The following CAMK2B variants were observed in gnomAD, a reference collection of about 807,000 sequenced individuals.
CAMK2B encodes calcium/calmodulin-dependent protein kinase type II subunit beta.
A neutral mutation model predicts 93.7 loss-of-function variants in CAMK2B; 27 were observed. The observed-to-expected ratio is 0.29, with a 90% CI of 0.21 to 0.40. The LOEUF is 0.40. Ranked by LOEUF, CAMK2B falls within the 10% of genes least tolerant of loss-of-function variation. The pLI is 1.00. For synonymous variants in CAMK2B, 374 were observed against 358.8 expected, an observed-to-expected ratio of 1.04 and a Z score of -0.48; for missense variants, 568 against 895.8, an observed-to-expected ratio of 0.63 and a Z score of 4.67.
chr7:44,325,299 C>T (rs1797253297), intron 1 of CAMK2B, 58 bp downstream of exon 1: 82 of 1,030,972 alleles, frequency 8.0e-5, no homozygotes, highest in Non-Finnish European at 9.7e-5. Flanking sequence ...GCGGAGGGTC[C>T]CGGAGGTCCC....
intron 1 of CAMK2B, among the ~76,000 whole-genome samples, chr7:44,304,482 T>C (rs953092838): frequency 6.6e-6 from 1 of 152,068 alleles, no homozygotes; most frequent in Non-Finnish European, 1.5e-5. Context: ...AAGTGGCCAC[T>C]GCTGAATAAA....
chr7:44,242,089 A>G, intron 10 of CAMK2B, 129 bp downstream of exon 10: 1 of 1,102,484 alleles, frequency 9.1e-7, no homozygotes, highest in Non-Finnish European at 1.3e-6. Context: ...CACAAGGAGC[A>G]CCCAGGGGAC....
chr7:44,234,782 C>T, intron 13 of CAMK2B, 106 bp from the exon 14 acceptor site: 1 of 1,263,156 alleles, frequency 7.9e-7, no homozygotes, highest in South Asian at 1.3e-5. Context: ...GGAGCAAGCC[C>T]AGGGTCCTGA....
chr7:44,272,098 G>A (rs947229192), intron 2 of CAMK2B, among the ~76,000 whole-genome samples: 2 of 152,110 alleles, frequency 1.3e-5, no homozygotes, highest in African/African-American at 4.8e-5. Context: ...TTTTCTTTCC[G>A]GCGGGACTTC....
rs1370030575 is a variant in CAMK2B at position 44,312,675 on chromosome 7, CAG to C, written c.65+12680_65+12681del. ...AGTGAGAAAAAGAGAGGGAGAGAAA[CAG>C]AGAGACAGAGGAGACAGAGAAAGAG... is the stretch of plus-strand genomic sequence containing the variant. On this transcript the variant is annotated intron_variant, in intron 1 of 23. Transcript: ENST00000395749. The surrounding 1 kb of genome is among the most constrained non-coding windows in gnomAD (Gnocchi z 4.1). Among the ~76,000 whole-genome samples, 2 of 152,110 alleles carry C rather than the reference CAG, an allele frequency of 1.3e-5. No homozygotes were observed. Among genetic ancestry groups the C allele is most frequent in the Admixed American group, 6.5e-5 (1 of 15,272 alleles).
intron 2 of CAMK2B, among the ~76,000 whole-genome samples, chr7:44,264,465 C>A (rs141294191): frequency 1.3e-5 from 2 of 152,192 alleles, no homozygotes; most frequent in African/African-American, 2.4e-5. Flanking sequence ...TGGCTCCCCC[C>A]TCCCAGGACA....
rs2096467747 is a variant in CAMK2B at position 44,225,752 on chromosome 7, C to T, written c.1597+764G>A. 19 of 1,289,454 alleles carry T rather than the reference C, an allele frequency of 1.5e-5. No homozygotes were observed. The highest frequency in any genetic ancestry group is 1.9e-5 in the Non-Finnish European group (19 of 988,788). The allele number at this position is 1,289,454 out of a possible 1,614,324, so 79.9% of individuals were successfully genotyped here. ...TGGCAAGCAGACCCCACCTGTCCCT[C>T]AAGTACTTACCTAGCCACTGCCCTG... On this transcript the variant is annotated intron_variant, in intron 20 of 23. Coordinates refer to ENST00000395749, the MANE Select transcript of CAMK2B (RefSeq NM_001220.5). The surrounding 1 kb of genome is among the most constrained non-coding windows in gnomAD (Gnocchi z 5.0).
intron 3 of CAMK2B, among the ~76,000 whole-genome samples, chr7:44,262,185 C>T (rs61585890): frequency 0.011 from 1,637 of 152,328 alleles, 24 homozygotes; most frequent in African/African-American, 0.037. Context: ...AACAGGCTCC[C>T]GGTCCCCAGC....
chr7:44,262,062 T>C (rs768040764), intron 3 of CAMK2B, among the ~76,000 whole-genome samples: 2 of 152,188 alleles, frequency 1.3e-5, no homozygotes, highest in South Asian at 2.1e-4. Context: ...GCCCAGCTCA[T>C]TGGTGAAGCA....
intron 7 of CAMK2B, 42 bp from the exon 8 acceptor site, chr7:44,243,375 C>A: frequency 6.2e-7 from 1 of 1,611,438 alleles, no homozygotes. Context: ...GTCAGCATCA[C>A]CTCCTGCCCT....
Position 44,220,271 on chromosome 7 carries a change from T to A in CAMK2B, c.1792A>T (p.Ile598Phe). The change falls in exon 23 of 24, where the codon ATC (isoleucine) becomes TTC (phenylalanine). Residue 598 changes from isoleucine (I) to phenylalanine (F), a missense_variant. By Grantham distance (21) the Ile-to-Phe change is conservative. Around this residue, in one of 4 missense-constraint regions of CAMK2B, gnomAD observed 116 missense variants for 188.0 expected, o/e 0.62. Transcript: ENST00000395749. The stretch of plus-strand genomic sequence containing the variant: ...TGTGGGTTCAGGATGGTCGTGTGGA[T>A]CGGCTTGCTGTTCTTGGCCAGCACT... The part of the protein sequence containing the change: ...ENLLAKNSKP[I>F]HTTILNPHVH... 2 of 1,613,008 alleles carry A rather than the reference T, an allele frequency of 1.2e-6. No individual in the cohort carries two copies. Among genetic ancestry groups the A allele is most frequent in the Non-Finnish European group, 1.7e-6 (2 of 1,179,880 alleles).
intron 12 of CAMK2B, among the ~76,000 whole-genome samples, chr7:44,240,259 A>T (rs1254865763): frequency 6.6e-6 from 1 of 152,190 alleles, no homozygotes; most frequent in Admixed American, 6.5e-5. Flanking sequence ...CAGCCGGGAC[A>T]GGAGGCTGCA....
intron 19 of CAMK2B, 98 bp from the exon 20 acceptor site, chr7:44,226,742 C>A: frequency 1.3e-6 from 1 of 791,864 alleles, no homozygotes; most frequent in Non-Finnish European, 1.7e-6. Flanking sequence ...TTGAGGGGCA[C>A]AGAGGCAGAT....
chr7:44,296,832 C>A (rs1788449956), intron 1 of CAMK2B, among the ~76,000 whole-genome samples: 1 of 151,748 alleles, frequency 6.6e-6, no homozygotes, highest in South Asian at 2.1e-4. Context: ...AATTATCCAT[C>A]AAAAATAAGA....
intron 6 of CAMK2B, among the ~76,000 whole-genome samples, chr7:44,246,687 C>T (rs893894064): frequency 6.6e-6 from 1 of 152,116 alleles, no homozygotes; most frequent in Non-Finnish European, 1.5e-5. Context: ...ACATGCACAT[C>T]CCTGCACAGG....
chr7:44,225,762 C>G lies in CAMK2B; in HGVS notation c.1597+754G>C, dbSNP rs2096467896. 7.8e-7 allele frequency: 1 copy of G among 1,289,500 alleles called. No individual in the cohort carries two copies. Among genetic ancestry groups the G allele is most frequent in the African/African-American group, 1.5e-5 (1 of 65,972 alleles). The allele number at this position is 1,289,500 out of a possible 1,614,324, so 79.9% of individuals were successfully genotyped here. A position where few individuals can be genotyped will look rare whatever the true frequency, so the allele number is the denominator to read the frequency against. ...ACCCCACCTGTCCCTCAAGTACTTA[C>G]CTAGCCACTGCCCTGCCATGCCGAG... On this transcript the variant is annotated intron_variant, in intron 20 of 23. Transcript: ENST00000395749. The surrounding 1 kb of genome is among the most constrained non-coding windows in gnomAD (Gnocchi z 5.0).
chr7:44,229,732 C>A, intron 17 of CAMK2B: 1 of 444,708 alleles, frequency 2.2e-6, no homozygotes. Context: ...AGAGCCAGAG[C>A]CAGCAGAGGC....
rs185873535 is a variant in CAMK2B at position 44,311,431 on chromosome 7, A to T, written c.65+13926T>A. On this transcript the variant is annotated intron_variant, in intron 1 of 23. Transcript: ENST00000395749. This position sits in a 1 kb window ranked among gnomAD's most constrained non-coding sequence, Gnocchi z 4.2. The stretch of plus-strand genomic sequence containing the variant: ...CACCATGTGGCAAATCAAATTCTTA[A>T]CCTCTAGTAACAAACAAGAAAAACT... Among the ~76,000 whole-genome samples the T allele has an allele frequency of 1.3e-5, 2 of 152,330 alleles. No homozygotes were observed.
chr7:44,289,024 T>A (rs1035065275), intron 1 of CAMK2B, among the ~76,000 whole-genome samples: 1 of 152,064 alleles, frequency 6.6e-6, no homozygotes, highest in Non-Finnish European at 1.5e-5. Context: ...TCCGCCTCTG[T>A]CTCCTCCTCG....
Sources: gnomAD v4.1 joint callset for allele counts (sites outside exome capture counted in the v4.1 genomes callset) on GRCh38, gnomAD v4.1.1 for gene constraint, gnomAD v4.1.1 regional missense constraint, Gnocchi (gnomAD v3.1) non-coding constraint, MANE v1.5 for transcripts, NCBI Gene and HGNC (gene_info 2026-07-23, HGNC 2026-07-21) for gene names.